SMYD3: variants seen among roughly 807,000 people sequenced by gnomAD.
SMYD3 encodes the protein histone-lysine N-methyltransferase SMYD3.
A neutral mutation model predicts 57.7 loss-of-function variants in SMYD3; 36 were observed. The observed-to-expected ratio is 0.62, with a 90% CI of 0.48 to 0.82. The LOEUF (loss-of-function observed/expected upper bound fraction) is 0.82. Among genes scored for constraint, SMYD3 ranks in the 40% least tolerant of loss-of-function variants. The pLI, the probability that SMYD3 is intolerant of heterozygous loss-of-function variation, is 0.00. For synonymous variants in SMYD3, 211 were observed against 195.0 expected, an observed-to-expected ratio of 1.08 and a Z score of -0.68; for missense variants, 515 against 538.8, an observed-to-expected ratio of 0.96 and a Z score of 0.44.
chr1:246,286,505 G>A (rs925618523), intron 5 of SMYD3, among the ~76,000 whole-genome samples: 2 of 152,116 alleles, frequency 1.3e-5, no homozygotes, highest in Non-Finnish European at 2.9e-5. Flanking sequence ...TATAACACAA[G>A]ACTGACATTA....
chr1:246,114,790 C>A (rs920864430), intron 5 of SMYD3, among the ~76,000 whole-genome samples: 3 of 152,186 alleles, frequency 2.0e-5, no homozygotes, highest in Non-Finnish European at 4.4e-5. Flanking sequence ...CGCCACCACG[C>A]CCGGCTCATT....
At position 245,749,498 on chromosome 1, in the gene SMYD3, A is replaced by G; in HGVS notation, c.*65T>C. The G allele has an allele frequency of 3.3e-6, 4 of 1,210,868 alleles. No homozygotes were observed. The highest frequency in any genetic ancestry group is 4.9e-6 in the Non-Finnish European group (4 of 815,244). 75.0% of individuals were successfully genotyped at this position (1,210,868 alleles called of 1,614,324 possible). A position where few individuals can be genotyped will look rare whatever the true frequency, so the allele number is the denominator to read the frequency against. The stretch of plus-strand genomic sequence containing the variant: ...GGTTCACACAGCTAACAAAGCATAG[A>G]GTGTGTGACCTCAATAAGGCATTCA... On this transcript the variant is annotated 3_prime_UTR_variant, in exon 12 of 12. Coordinates refer to ENST00000490107, the MANE Select transcript of SMYD3 (RefSeq NM_001167740.2).
rs758506693 is a variant in SMYD3 at position 246,268,100 on chromosome 1, A to T, written c.531+59101T>A. Among the ~76,000 whole-genome samples, 198 of 152,338 alleles carry T rather than the reference A, an allele frequency of 1.3e-3. 1 individual carries two copies. The highest frequency in any genetic ancestry group is 3.4e-4 in the Non-Finnish European group (23 of 68,032). On this transcript the variant is annotated intron_variant, in intron 5 of 11. Coordinates refer to ENST00000490107, the MANE Select transcript of SMYD3 (RefSeq NM_001167740.2). ...ACTCCATCTTGAACAGGAGCTGGGT[A>T]AAATGAAGCTGAGGCCTACTGGGCT...
At chr1:245,985,315 T>C (rs752762690) in intron 5 of SMYD3, among the ~76,000 whole-genome samples, 5 of 152,190 alleles carry the variant, frequency 3.3e-5, no homozygotes, top group Non-Finnish European at 7.3e-5. Context: ...AGACTTCTCT[T>C]CTAAACTTCA....
At chr1:245,856,316 G>A (rs922762440) in intron 10 of SMYD3, among the ~76,000 whole-genome samples, 7 of 152,180 alleles carry the variant, frequency 4.6e-5, no homozygotes, top group Non-Finnish European at 1.0e-4. Context: ...CCTCACTCAT[G>A]TGAAGTGGAT....
intron 10 of SMYD3, among the ~76,000 whole-genome samples, chr1:245,787,762 A>G (rs894031461): frequency 6.6e-6 from 1 of 152,246 alleles, no homozygotes; most frequent in African/African-American, 2.4e-5. Context: ...ATTTGAAACA[A>G]CACAACTACG....
chr1:246,346,081 G>A (rs565580616), intron 2 of SMYD3, among the ~76,000 whole-genome samples: 3 of 152,206 alleles, frequency 2.0e-5, no homozygotes, highest in African/African-American at 7.2e-5. Flanking sequence ...TCAGGAGATC[G>A]AGACCATCCT....
At chr1:246,261,044 TG>T (rs879397208) in intron 5 of SMYD3, among the ~76,000 whole-genome samples, 31,270 of 150,744 alleles carry the variant, frequency 0.21, 3,938 homozygotes, top group East Asian at 0.58. Context: ...TTCTGGGTTT[TG>T]TTGTTGTTGT....
chr1:246,168,401 C>G (rs1032678903), intron 5 of SMYD3, among the ~76,000 whole-genome samples: 7 of 152,092 alleles, frequency 4.6e-5, no homozygotes, highest in African/African-American at 7.2e-5. Flanking sequence ...AAAATGGCCC[C>G]ATAATGAAAA....
At chr1:246,316,646 G>A (rs1276665660) in intron 5 of SMYD3, among the ~76,000 whole-genome samples, 3 of 142,228 alleles carry the variant, frequency 2.1e-5, no homozygotes, top group African/African-American at 7.7e-5. Context: ...CTCCCAAAGT[G>A]CTGGGATTAC....
Position 245,929,886 on chromosome 1 carries a change from C to T in SMYD3, c.583G>A (p.Val195Ile), listed in dbSNP as rs1225356720. 1.9e-6 allele frequency: 3 copies of T among 1,613,720 alleles called. No homozygotes were observed. The highest frequency in any genetic ancestry group is 2.5e-6 in the Non-Finnish European group (3 of 1,179,680). ...ICNAEMQEVG[V>I]GLYPSISLLN... ...ACACCATACCTGGGATATAGGCCAACACCAACTTCCTGCATCTCCGCATTA... is the reference window on the plus strand; with the variant it reads ...ACACCATACCTGGGATATAGGCCAATACCAACTTCCTGCATCTCCGCATTA... Residue 195 changes from valine to isoleucine, a missense_variant, in exon 6 of 12, where the codon GTT becomes ATT. Physicochemically the swap from Val to Ile is conservative, Grantham distance 29. Transcript: ENST00000490107.
intron 5 of SMYD3, among the ~76,000 whole-genome samples, chr1:246,063,050 C>T (rs2060279802): frequency 6.6e-6 from 1 of 152,104 alleles, no homozygotes; most frequent in South Asian, 2.1e-4. Context: ...CAGGAAGAGC[C>T]CAAGACCACC....
chr1:246,215,889 T>A (rs879940703), intron 5 of SMYD3, among the ~76,000 whole-genome samples: 1 of 152,106 alleles, frequency 6.6e-6, no homozygotes, highest in African/African-American at 2.4e-5. Context: ...GTATAATTCC[T>A]TAAAAGGGAC....
intron 5 of SMYD3, among the ~76,000 whole-genome samples, chr1:246,257,569 T>A (rs1026050440): frequency 6.6e-5 from 10 of 152,214 alleles, no homozygotes; most frequent in African/African-American, 2.4e-4. Context: ...TGTTGTTTTA[T>A]CAAACTTGCT....
chr1:246,377,331 T>C (rs1191488830), intron 1 of SMYD3, among the ~76,000 whole-genome samples: 3 of 151,960 alleles, frequency 2.0e-5, no homozygotes, highest in African/African-American at 7.2e-5. Flanking sequence ...ACCCACAGTA[T>C]ACTCATGAGA....
At chr1:246,499,184 G>A (rs890705285) in intron 1 of SMYD3, among the ~76,000 whole-genome samples, 9 of 149,628 alleles carry the variant, frequency 6.0e-5, no homozygotes, top group Non-Finnish European at 1.2e-4. Flanking sequence ...CGGGCCTATA[G>A]TCCCAGCTAT....
chr1:246,309,183 TA>T (rs111396654), intron 5 of SMYD3, among the ~76,000 whole-genome samples: 92 of 152,074 alleles, frequency 6.0e-4, no homozygotes, highest in African/African-American at 2.1e-3. Context: ...GCTTAATTGT[TA>T]AAAAAAAGTT....
chr1:246,252,541 G>T (rs1048696320), intron 5 of SMYD3, among the ~76,000 whole-genome samples: 5 of 147,366 alleles, frequency 3.4e-5, no homozygotes, highest in African/African-American at 1.0e-4. Flanking sequence ...TCTGTTAAAG[G>T]TTTCTGTTTA....
At position 245,779,424 on chromosome 1, in the gene SMYD3, A is replaced by G. The variant is rs577322968; in HGVS notation, c.1077-15275T>C. Among the ~76,000 whole-genome samples the G allele has an allele frequency of 1.3e-3, 191 of 152,308 alleles. 2 individuals are homozygous for G. Among genetic ancestry groups the G allele is most frequent in the Non-Finnish European group, 1.3e-3 (87 of 68,026 alleles). The stretch of plus-strand genomic sequence containing the variant: ...TTAGGTACCAGGAAAATGTTTTCCA[A>G]TGAGCACCACCACGTACCCTTTACC... On this transcript the variant is annotated intron_variant, in intron 10 of 11. Transcript: ENST00000490107.
Sources: allele counts gnomAD v4.1 joint callset (sites outside exome capture counted in the v4.1 genomes callset), GRCh38; gene constraint gnomAD v4.1.1; transcripts MANE v1.5; gene names NCBI Gene and HGNC (gene_info 2026-07-23, HGNC 2026-07-21).